The following AASDH variants were observed in gnomAD, a reference collection of about 807,000 sequenced individuals.
The protein encoded by AASDH is beta-alanine-activating enzyme.
A neutral mutation model predicts 102.3 loss-of-function variants in AASDH; 81 were observed. The ratio of observed to expected loss-of-function variants is 0.79; its 90% confidence interval spans 0.66 to 0.95. The LOEUF is 0.95. AASDH is among the 40% of genes least tolerant of loss of function. AASDH has a pLI of 0.00. For synonymous variants in AASDH, 398 were observed against 454.0 expected (o/e 0.88, Z 1.57); for missense variants, 1,203 against 1,266.2 (o/e 0.95, Z 0.76).
intron 4 of AASDH, among the ~76,000 whole-genome samples, chr4:56,377,085 A>AT (rs1207163002): frequency 1.1e-5 from 1 of 87,744 alleles, no homozygotes; most frequent in Non-Finnish European, 2.4e-5. Context: ...AAAAAAATAA[A>AT]TAAATAAAAT....
chr4:56,351,910 C>A (rs1749057086), intron 9 of AASDH, among the ~76,000 whole-genome samples: 1 of 138,266 alleles, frequency 7.2e-6, no homozygotes. Context: ...AAGTGAGACC[C>A]TATCTCCAAA....
intron 5 of AASDH, 76 bp downstream of exon 5, chr4:56,371,375 G>T: frequency 7.1e-7 from 1 of 1,412,628 alleles, no homozygotes; most frequent in Non-Finnish European, 9.6e-7. Context: ...AGAACTACAG[G>T]AATACAAAAT....
At chr4:56,367,195 C>T (rs1751120009) in intron 5 of AASDH, among the ~76,000 whole-genome samples, 1 of 151,968 alleles carries the variant, frequency 6.6e-6, no homozygotes, top group Non-Finnish European at 1.5e-5. Flanking sequence ...GAACTACAAA[C>T]CACTGCTCAA....
intron 5 of AASDH, 49 bp downstream of exon 5, chr4:56,371,402 A>C: frequency 6.6e-7 from 1 of 1,519,710 alleles, no homozygotes. Flanking sequence ...TAAAACACTT[A>C]AAATATTGAA....
At chr4:56,339,971 C>A (rs1208355593) in intron 14 of AASDH, among the ~76,000 whole-genome samples, 1 of 151,936 alleles carries the variant, frequency 6.6e-6, no homozygotes, top group African/African-American at 2.4e-5. Context: ...GAGTTCGAGA[C>A]CAGCCTGGCC....
intron 4 of AASDH, among the ~76,000 whole-genome samples, chr4:56,372,570 C>T (rs1301815025): frequency 1.3e-5 from 2 of 152,146 alleles, no homozygotes; most frequent in Non-Finnish European, 1.5e-5. Context: ...CACACAGACA[C>T]CACTACATCT....
chr4:56,364,275 C>A (rs1005644555), intron 5 of AASDH, among the ~76,000 whole-genome samples: 17 of 151,998 alleles, frequency 1.1e-4, no homozygotes, highest in Admixed American at 5.9e-4. Flanking sequence ...GAGAATGGAA[C>A]CAAGTTGGAA....
At chr4:56,384,559 A>G (rs550535604) in intron 1 of AASDH, among the ~76,000 whole-genome samples, 3 of 152,340 alleles carry the variant, frequency 2.0e-5, no homozygotes, top group African/African-American at 7.2e-5. Context: ...CAGAGCATCA[A>G]AAAAATTTGG....
chr4:56,349,512 C>T lies in AASDH; in HGVS notation c.2239G>A (p.Ala747Thr), dbSNP rs1441203046. 1.9e-6 allele frequency: 3 copies of T among 1,614,174 alleles called. No individual in the cohort carries two copies. Among genetic ancestry groups the T allele is most frequent in the Admixed American group, 3.3e-5 (2 of 60,020 alleles). ...VAKVSEEGKP[A>T]IGTQKMELHV... ...AACTCCATTTTCTGAGTCCCTATCGCAGGTTTCCCCTCTTCAGAAACTTTT... is the reference window on the plus strand; with the variant it reads ...AACTCCATTTTCTGAGTCCCTATCGTAGGTTTCCCCTCTTCAGAAACTTTT... Residue 747 changes from alanine to threonine, a missense_variant, in exon 11 of 15, where the codon GCG becomes ACG. Coordinates refer to ENST00000205214, the MANE Select transcript of AASDH (RefSeq NM_181806.4).
intron 3 of AASDH, among the ~76,000 whole-genome samples, chr4:56,380,272 GAA>G (rs1210004639): frequency 6.6e-6 from 1 of 152,172 alleles, no homozygotes; most frequent in Admixed American, 6.5e-5. Flanking sequence ...GAGTTTGGAT[GAA>G]GAGATGCTAA....
At chr4:56,376,688 T>G (rs566600266) in intron 4 of AASDH, among the ~76,000 whole-genome samples, 1 of 152,168 alleles carries the variant, frequency 6.6e-6, no homozygotes, top group African/African-American at 2.4e-5. Context: ...GCATAAAAAA[T>G]GCAAAATATC....
At chr4:56,341,559 A>ATTTTT (rs543126027) in intron 14 of AASDH, among the ~76,000 whole-genome samples, 2 of 134,102 alleles carry the variant, frequency 1.5e-5, no homozygotes, top group Non-Finnish European at 1.6e-5. Flanking sequence ...CACCCAGCTA[A>ATTTTT]TTTTTTTTTT....
chr4:56,365,826 A>C (rs1240753360), intron 5 of AASDH, among the ~76,000 whole-genome samples: 1 of 152,232 alleles, frequency 6.6e-6, no homozygotes, highest in African/African-American at 2.4e-5. Flanking sequence ...AAGCAAGAGC[A>C]AACACATTCA....
chr4:56,353,480 T>C lies in AASDH; in HGVS notation c.1500A>G (p.Glu500=), dbSNP rs766574462. 2 of 1,613,978 alleles carry C rather than the reference T, an allele frequency of 1.2e-6. No individual in the cohort carries two copies. Among genetic ancestry groups the C allele is most frequent in the Non-Finnish European group, 8.5e-7 (1 of 1,179,972 alleles). The change falls in exon 9 of 15, where the codon GAA becomes GAG. Residue 500 remains glutamate, a synonymous_variant. Coordinates refer to ENST00000205214, the MANE Select transcript of AASDH (RefSeq NM_181806.4). The part of the protein sequence containing the change: ...DASVKEYIFK[E]LQKYLPSHAV... ...CATGACTTGGAAGATATTTCTGCAG[T>C]TCTTTAAAGATGTATTCTTTTACTG...
intron 5 of AASDH, among the ~76,000 whole-genome samples, chr4:56,362,806 T>A (rs1022966595): frequency 6.6e-6 from 1 of 152,072 alleles, no homozygotes; most frequent in East Asian, 1.9e-4. Flanking sequence ...GCTCCCAGCG[T>A]GAGCGACGCA....
chr4:56,338,537 A>ACT lies in AASDH; in HGVS notation c.3160_3161dup (p.Ser1054ArgfsTer55), dbSNP rs1299453898. On this transcript the variant is annotated frameshift_variant, in exon 15 of 15. Transcript: ENST00000205214. LOFTEE classifies it high-confidence loss of function. ...GTTCATAAACACTTTGCAATTGTCCACTCTGAGATTCCAAGATCCACACTT... is the reference window on the plus strand; with the variant it reads ...GTTCATAAACACTTTGCAATTGTCCACTCTCTGAGATTCCAAGATCCACACTT... The ACT allele has an allele frequency of 1.2e-6, 2 of 1,610,410 alleles. No homozygotes were observed. The highest frequency in any genetic ancestry group is 2.7e-5 in the African/African-American group (2 of 73,798).
At position 56,384,361 on chromosome 4, in the gene AASDH, T is replaced by TTAGGGGGAG. The variant is rs2110015847; in HGVS notation, c.-42-29_-42-21dup. Reference sequence around the variant, plus strand: ...AGAACCCTGTGTATATACAGAAGTGTTAGGGGGAGAGGGAGTTTTAGAGAG... The same window carrying TTAGGGGGAG: ...AGAACCCTGTGTATATACAGAAGTGTTAGGGGGAGTAGGGGGAGAGGGAGTTTTAGAGAG... On this transcript the variant is annotated intron_variant, in intron 1 of 14. Transcript: ENST00000205214. The TTAGGGGGAG allele has an allele frequency of 6.7e-7, 1 of 1,484,914 alleles. No individual in the cohort carries two copies. Among genetic ancestry groups the TTAGGGGGAG allele is most frequent in the African/African-American group, 1.4e-5 (1 of 72,304 alleles). The allele number at this position is 1,484,914 out of a possible 1,614,324, so 92.0% of individuals were successfully genotyped here. A position where few individuals can be genotyped will look rare whatever the true frequency, so the allele number is the denominator to read the frequency against.
chr4:56,383,228 T>C (rs1753178192), intron 2 of AASDH, among the ~76,000 whole-genome samples: 1 of 152,318 alleles, frequency 6.6e-6, no homozygotes, highest in African/African-American at 2.4e-5. Context: ...TCTTTGCACA[T>C]AGTAAATTCT....
chr4:56,355,036 G>A, intron 6 of AASDH, 146 bp downstream of exon 6: 3 of 1,060,338 alleles, frequency 2.8e-6, no homozygotes, highest in Admixed American at 3.0e-5. Flanking sequence ...CTATAGTAAG[G>A]AAGGTTCTGG....
Sources: allele counts gnomAD v4.1 joint callset (sites outside exome capture counted in the v4.1 genomes callset), GRCh38; gene constraint gnomAD v4.1.1; transcripts MANE v1.5; gene names NCBI Gene and HGNC (gene_info 2026-07-23, HGNC 2026-07-21).